Variants in ZBTB20 observed in about 807,000 individuals in gnomAD.
The protein encoded by ZBTB20 is zinc finger and BTB domain containing 20.
ZBTB20 carries 9 observed loss-of-function variants against 56.9 expected under a neutral mutation model. The ratio of observed to expected loss-of-function variants is 0.16; its 90% CI spans 0.10 to 0.28. The LOEUF (loss-of-function observed/expected upper bound fraction) is 0.28. Ranked by LOEUF, ZBTB20 falls within the 10% of genes least tolerant of loss-of-function variation. ZBTB20 has a pLI of 1.00. For synonymous variants in ZBTB20, 417 were observed against 420.7 expected, an observed-to-expected ratio of 0.99 and a Z score of 0.11; for missense variants, 655 against 1,003.0, an observed-to-expected ratio of 0.65 and a Z score of 4.69.
intron 5 of ZBTB20, among the ~76,000 whole-genome samples, chr3:114,768,087 T>C (rs924080329): frequency 2.0e-5 from 3 of 152,104 alleles, no homozygotes; most frequent in African/African-American, 7.2e-5. Flanking sequence ...CCATTGGCTC[T>C]AGAATCTGGA....
intron 5 of ZBTB20, among the ~76,000 whole-genome samples, chr3:114,702,207 G>C (rs1042919689): frequency 1.3e-5 from 2 of 152,088 alleles, no homozygotes; most frequent in Non-Finnish European, 2.9e-5. Context: ...AGCAGGCATG[G>C]TGGCACGTGC....
intron 4 of ZBTB20, among the ~76,000 whole-genome samples, chr3:114,866,385 A>G (rs999324950): frequency 1.3e-5 from 2 of 152,202 alleles, no homozygotes; most frequent in African/African-American, 4.8e-5. Flanking sequence ...TAGTCATTAA[A>G]TTTGGTGATA....
At chr3:114,426,161 C>T (rs1288031852) in intron 7 of ZBTB20, among the ~76,000 whole-genome samples, 1 of 151,884 alleles carries the variant, frequency 6.6e-6, no homozygotes. Context: ...CGGTGAAACC[C>T]CATCTCTATT....
intron 4 of ZBTB20, among the ~76,000 whole-genome samples, chr3:114,804,589 T>C (rs891987266): frequency 1.3e-5 from 2 of 151,976 alleles, no homozygotes; most frequent in Non-Finnish European, 2.9e-5. Context: ...CTAATTATAA[T>C]ACTTTAATTA....
chr3:114,336,616 G>A lies in ZBTB20; in HGVS notation c.*2389C>T, dbSNP rs779813418. ...CACTAACCTTACAAAGCATCACAAA[G>A]AACTTATGAAAAAGATCCAAGTTAA... is the stretch of plus-strand genomic sequence containing the variant. On this transcript the variant is annotated 3_prime_UTR_variant, in exon 12 of 12. Transcript: ENST00000675478. 14 of 151,956 alleles carry A rather than the reference G, an allele frequency of 9.2e-5. No individual in the cohort carries two copies. The highest frequency in any genetic ancestry group is 1.9e-4 in the Non-Finnish European group (13 of 67,968). The allele number at this position is 151,956 out of a possible 1,614,324, so 9.4% of individuals were successfully genotyped here.
At chr3:115,033,303 C>A (rs1453756686) in intron 2 of ZBTB20, among the ~76,000 whole-genome samples, 3 of 151,402 alleles carry the variant, frequency 2.0e-5, no homozygotes, top group Non-Finnish European at 4.4e-5. Flanking sequence ...CCTACCATAA[C>A]TAAACCACAA....
intron 1 of ZBTB20, among the ~76,000 whole-genome samples, chr3:115,117,792 A>C (rs890227587): frequency 6.6e-6 from 1 of 152,168 alleles, no homozygotes; most frequent in Non-Finnish European, 1.5e-5. Flanking sequence ...ATTATTGTGA[A>C]ATGTTTAAAT....
intron 1 of ZBTB20, among the ~76,000 whole-genome samples, chr3:115,111,015 A>AATAC (rs1409342999): frequency 7.5e-4 from 107 of 141,962 alleles, no homozygotes; most frequent in Middle Eastern, 3.8e-3. Flanking sequence ...AAAATAAATA[A>AATAC]ATAAATAAAT....
chr3:115,035,902 G>A (rs1371286604), intron 2 of ZBTB20, among the ~76,000 whole-genome samples: 1 of 152,004 alleles, frequency 6.6e-6, no homozygotes, highest in Non-Finnish European at 1.5e-5. Flanking sequence ...AAAAAGTAAG[G>A]AAATTGTGAC....
rs190083845 is a variant in ZBTB20, at chr3:114,598,951, T to C, written c.-295+94577A>G. Among the ~76,000 whole-genome samples the C allele has an allele frequency of 1.6e-4, 24 of 152,024 alleles. No individual in the cohort carries two copies. The East Asian group carries it at 3.5e-3, about 22-fold the overall frequency. ...CTTTGTACAGTGTAAGTAAGAAAGA[T>C]CCTTTACATTCCCTTAACGGGGGGG... On this transcript the variant is annotated intron_variant, in intron 6 of 11. Transcript: ENST00000675478.
chr3:114,935,663 A>G (rs904342670), intron 3 of ZBTB20, among the ~76,000 whole-genome samples: 1 of 152,192 alleles, frequency 6.6e-6, no homozygotes, highest in African/African-American at 2.4e-5. Flanking sequence ...GACATAATTC[A>G]GTTTGCCATC....
chr3:114,561,178 C>T (rs2110282603), intron 6 of ZBTB20, among the ~76,000 whole-genome samples: 1 of 152,300 alleles, frequency 6.6e-6, no homozygotes, highest in South Asian at 2.1e-4. Flanking sequence ...ATTTTCATCA[C>T]ATTATGTACA....
chr3:114,522,005 T>C (rs1188444774), intron 6 of ZBTB20, among the ~76,000 whole-genome samples: 1 of 151,632 alleles, frequency 6.6e-6, no homozygotes, highest in Non-Finnish European at 1.5e-5. Flanking sequence ...ACTGAGGATT[T>C]CTTAGAGCAT....
At chr3:114,427,382 T>A (rs11929334) in intron 7 of ZBTB20, among the ~76,000 whole-genome samples, 2,490 of 152,316 alleles carry the variant, frequency 0.016, 82 homozygotes, top group African/African-American at 0.057. Context: ...CAAAGAAATA[T>A]GTCCCTCACG....
At chr3:114,447,159 T>A (rs1375303730) in intron 7 of ZBTB20, among the ~76,000 whole-genome samples, 3 of 152,194 alleles carry the variant, frequency 2.0e-5, no homozygotes, top group Non-Finnish European at 4.4e-5. Context: ...TTTTCAGTTA[T>A]TGCTGAAAAT....
intron 7 of ZBTB20, among the ~76,000 whole-genome samples, chr3:114,402,899 T>C (rs1247405843): frequency 6.6e-6 from 1 of 152,150 alleles, no homozygotes; most frequent in Non-Finnish European, 1.5e-5. Context: ...TGATTATACT[T>C]ACCCGAAATT....
chr3:114,395,611 C>T (rs1337590103), intron 7 of ZBTB20, among the ~76,000 whole-genome samples: 4 of 152,098 alleles, frequency 2.6e-5, no homozygotes, highest in Non-Finnish European at 5.9e-5. Flanking sequence ...GGTGAGAAAA[C>T]CATTTAATGA....
intron 2 of ZBTB20, among the ~76,000 whole-genome samples, chr3:115,027,201 G>T (rs1217331812): frequency 1.3e-5 from 2 of 150,834 alleles, no homozygotes; most frequent in Non-Finnish European, 1.5e-5. Context: ...TAATCTTCAA[G>T]ATTGGAAATT....
chr3:115,018,955 A>C (rs1164297608), intron 2 of ZBTB20, among the ~76,000 whole-genome samples: 1 of 151,252 alleles, frequency 6.6e-6, no homozygotes, highest in Non-Finnish European at 1.5e-5. Context: ...AATATTATGA[A>C]GGCAGTTCAT....
Sources: allele counts gnomAD v4.1 joint callset (sites outside exome capture counted in the v4.1 genomes callset), GRCh38; gene constraint gnomAD v4.1.1; transcripts MANE v1.5; gene names NCBI Gene and HGNC (gene_info 2026-07-23, HGNC 2026-07-21).